The following XKR4 variants were observed in gnomAD, a reference collection of about 807,000 sequenced individuals.
XKR4 encodes the protein XK-related protein 4.
Under a neutral mutation model 53.9 loss-of-function variants are expected in XKR4, and 12 were observed. That is an observed-to-expected ratio of 0.22 (90% CI 0.14 to 0.36). The LOEUF is 0.36. Among genes scored for constraint, XKR4 ranks in the 10% least tolerant of loss-of-function variants. XKR4 has a pLI of 1.00. For synonymous variants in XKR4, 354 were observed against 362.4 expected (o/e 0.98, Z 0.26); for missense variants, 799 against 859.5 (o/e 0.93, Z 0.88).
chr8:55,369,389 G>GGGGAA (rs1804037935), intron 2 of XKR4, among the ~76,000 whole-genome samples: 1 of 92,592 alleles, frequency 1.1e-5, no homozygotes, highest in Non-Finnish European at 2.2e-5. Context: ...GGGGAGGGGA[G>GGGGAA]GGGAGGGGAG....
rs1018692730 is a variant in XKR4 at position 55,453,095 on chromosome 8, G to C, written c.1007-70186G>C. 1.1e-5 allele frequency: 6 copies of C among 557,334 alleles called. No homozygotes were observed. In the Admixed American group the frequency reaches 1.2e-4, roughly 11 times the overall value. 34.5% of individuals were successfully genotyped at this position (557,334 alleles called of 1,614,324 possible). Reference sequence around the variant, plus strand: ...TGATCCTCGGTGGGCTCCAGGTAAAGGACCCAGATATGAGTCTGCATGTCC... The same window carrying C: ...TGATCCTCGGTGGGCTCCAGGTAAACGACCCAGATATGAGTCTGCATGTCC... On this transcript the variant is annotated intron_variant, in intron 2 of 2. Transcript: ENST00000327381.
chr8:55,318,046 G>T (rs111692870), intron 1 of XKR4, among the ~76,000 whole-genome samples: 2,907 of 152,276 alleles, frequency 0.019, 71 homozygotes, highest in African/African-American at 0.057. Flanking sequence ...AATGTTCAAG[G>T]TTGGACTGAA....
chr8:55,287,244 C>T (rs1818920381), intron 1 of XKR4, among the ~76,000 whole-genome samples: 1 of 151,034 alleles, frequency 6.6e-6, no homozygotes, highest in Admixed American at 6.6e-5. Flanking sequence ...TTAGAAGTGC[C>T]AAAAGTTGGA....
At chr8:55,486,879 CTT>C (rs1207144919) in intron 2 of XKR4, among the ~76,000 whole-genome samples, 2 of 152,178 alleles carry the variant, frequency 1.3e-5, no homozygotes, top group Non-Finnish European at 2.9e-5. Flanking sequence ...TCACAGATCT[CTT>C]TTATTGTGTT....
chr8:55,471,979 A>G (rs944426363), intron 2 of XKR4, among the ~76,000 whole-genome samples: 2 of 152,172 alleles, frequency 1.3e-5, no homozygotes, highest in Non-Finnish European at 2.9e-5. Context: ...CTTGATAGCA[A>G]TGAGAGAACA....
intron 1 of XKR4, among the ~76,000 whole-genome samples, chr8:55,266,219 G>A (rs1338244378): frequency 6.6e-6 from 1 of 151,642 alleles, no homozygotes; most frequent in Non-Finnish European, 1.5e-5. Flanking sequence ...CATGGGAGCA[G>A]GTATGAGGCA....
At position 55,102,339 on chromosome 8, in the gene XKR4, G is replaced by A; in HGVS notation, c.-150G>A. ...AGCCCGGCGGGCGGCGGGCGGCGGC[G>A]GACGGCAGGCGAGCCGACGCAGGAG... On this transcript the variant is annotated 5_prime_UTR_variant, in exon 1 of 3. Coordinates refer to ENST00000327381, the MANE Select transcript of XKR4 (RefSeq NM_052898.2). This position sits in a 1 kb window ranked among gnomAD's most constrained non-coding sequence, Gnocchi z 5.1. 1 of 1,057,308 alleles carries A rather than the reference G, an allele frequency of 9.5e-7. No homozygotes were observed. The highest frequency in any genetic ancestry group is 1.2e-6 in the Non-Finnish European group (1 of 861,536). 65.5% of individuals were successfully genotyped at this position (1,057,308 alleles called of 1,614,324 possible).
chr8:55,386,984 A>C (rs977788752), intron 2 of XKR4, among the ~76,000 whole-genome samples: 2 of 152,182 alleles, frequency 1.3e-5, no homozygotes, highest in Non-Finnish European at 2.9e-5. Context: ...CAAGTCACAG[A>C]CACTTTATAT....
intron 1 of XKR4, among the ~76,000 whole-genome samples, chr8:55,123,225 T>C (rs1816416428): frequency 6.6e-6 from 1 of 152,250 alleles, no homozygotes; most frequent in Admixed American, 6.5e-5. Flanking sequence ...ATTTAATACA[T>C]ATTTATTGAT....
intron 2 of XKR4, chr8:55,451,694 G>C: frequency 7.0e-7 from 1 of 1,434,312 alleles, no homozygotes; most frequent in Non-Finnish European, 9.7e-7. Context: ...GGGTACCTGC[G>C]GTAGATGGCA....
intron 1 of XKR4, among the ~76,000 whole-genome samples, chr8:55,196,340 C>T (rs13263094): frequency 0.16 from 24,310 of 151,986 alleles, 2,455 homozygotes; most frequent in Non-Finnish European, 0.22. Context: ...CACCACCATG[C>T]GCAGCTAATT....
At chr8:55,325,682 A>G (rs1803281785) in intron 1 of XKR4, among the ~76,000 whole-genome samples, 1 of 152,146 alleles carries the variant, frequency 6.6e-6, no homozygotes, top group South Asian at 2.1e-4. Context: ...AAGAAGATTC[A>G]AGAAGAGGTG....
chr8:55,316,728 C>T (rs1819483419), intron 1 of XKR4, among the ~76,000 whole-genome samples: 1 of 152,124 alleles, frequency 6.6e-6, no homozygotes, highest in Non-Finnish European at 1.5e-5. Flanking sequence ...TTACCTGGTT[C>T]CTTCCTCCGA....
chr8:55,187,495 G>T (rs1817395948), intron 1 of XKR4, among the ~76,000 whole-genome samples: 1 of 152,164 alleles, frequency 6.6e-6, no homozygotes, highest in Non-Finnish European at 1.5e-5. Flanking sequence ...TAATGAACTT[G>T]GTTGACAGGT....
At chr8:55,191,022 C>T (rs1817438408) in intron 1 of XKR4, among the ~76,000 whole-genome samples, 2 of 152,166 alleles carry the variant, frequency 1.3e-5, no homozygotes, top group Non-Finnish European at 2.9e-5. Flanking sequence ...CAGTTGGATC[C>T]ACAGGGCTTC....
At chr8:55,466,846 G>T (rs1430014769) in intron 2 of XKR4, among the ~76,000 whole-genome samples, 1 of 151,982 alleles carries the variant, frequency 6.6e-6, no homozygotes, top group Non-Finnish European at 1.5e-5. Flanking sequence ...TTTTTGTTTG[G>T]ATATCTGATT....
chr8:55,373,230 G>A (rs563120723), intron 2 of XKR4, among the ~76,000 whole-genome samples: 1 of 152,198 alleles, frequency 6.6e-6, no homozygotes, highest in African/African-American at 2.4e-5. Context: ...ACAGTGGCGC[G>A]ATCTTGGCTC....
At chr8:55,214,516 G>C (rs1193154314) in intron 1 of XKR4, among the ~76,000 whole-genome samples, 1 of 152,212 alleles carries the variant, frequency 6.6e-6, no homozygotes, top group Admixed American at 6.5e-5. Flanking sequence ...TGAATGTCCA[G>C]CTATCACTGA....
Position 55,530,630 on chromosome 8 carries a change from A to G in XKR4, c.*6403A>G, listed in dbSNP as rs964335288. 3.3e-5 allele frequency: 5 copies of G among 152,356 alleles called. No individual in the cohort carries two copies. The highest frequency in any genetic ancestry group is 1.2e-4 in the African/African-American group (5 of 41,586). The allele number at this position is 152,356 out of a possible 1,614,324, so 9.4% of individuals were successfully genotyped here. On this transcript the variant is annotated 3_prime_UTR_variant, in exon 3 of 3. Coordinates refer to ENST00000327381, the MANE Select transcript of XKR4 (RefSeq NM_052898.2). ...CTCAACCCTGGTGTTTATTTTTAAA[A>G]AATCTTCAATGATCAATATGAATGT...
Sources: gnomAD v4.1 joint callset for allele counts (sites outside exome capture counted in the v4.1 genomes callset) on GRCh38, gnomAD v4.1.1 for gene constraint, Gnocchi (gnomAD v3.1) non-coding constraint, MANE v1.5 for transcripts, NCBI Gene and HGNC (gene_info 2026-07-23, HGNC 2026-07-21) for gene names.